The following MECOM variants were observed in gnomAD, a reference collection of about 807,000 sequenced individuals.
The protein encoded by MECOM is MDS1 and EVI1 complex locus.
A neutral mutation model predicts 116.3 loss-of-function variants in MECOM; 13 were observed. The ratio of observed to expected loss-of-function variants is 0.11; its 90% CI spans 0.07 to 0.18. MECOM has a LOEUF of 0.18. Ranked by LOEUF, MECOM falls within the 10% of genes least tolerant of loss-of-function variation. The pLI is 1.00. For synonymous variants in MECOM, 528 were observed against 535.2 expected (o/e 0.99, Z 0.19); for missense variants, 1,299 against 1,509.0 (o/e 0.86, Z 2.31).
intron 2 of MECOM, among the ~76,000 whole-genome samples, chr3:169,266,891 A>G (rs960444411): frequency 2.6e-5 from 4 of 151,986 alleles, no homozygotes; most frequent in Non-Finnish European, 4.4e-5. Flanking sequence ...GAGAGAAGGA[A>G]AAAAGGAAGG....
chr3:169,597,427 T>C (rs1767269993), intron 1 of MECOM, among the ~76,000 whole-genome samples: 2 of 152,220 alleles, frequency 1.3e-5, no homozygotes, highest in South Asian at 2.1e-4. Flanking sequence ...AAAACCAACA[T>C]AGACAGCCCC....
intron 1 of MECOM, among the ~76,000 whole-genome samples, chr3:169,555,351 A>C (rs1278183447): frequency 2.0e-5 from 3 of 152,150 alleles, no homozygotes; most frequent in African/African-American, 7.2e-5. Context: ...CACATAGAAA[A>C]ATGTGATAAT....
intron 2 of MECOM, among the ~76,000 whole-genome samples, chr3:169,317,787 T>C (rs1287495361): frequency 2.0e-5 from 3 of 152,180 alleles, no homozygotes; most frequent in African/African-American, 7.2e-5. Flanking sequence ...AAATGTCATG[T>C]GGAAGCAAAA....
intron 2 of MECOM, among the ~76,000 whole-genome samples, chr3:169,311,584 A>T (rs1718771473): frequency 6.6e-6 from 1 of 152,214 alleles, no homozygotes; most frequent in African/African-American, 2.4e-5. Context: ...TTCTTTAGAC[A>T]CAGTTTACAT....
intron 1 of MECOM, among the ~76,000 whole-genome samples, chr3:169,584,442 G>A (rs891923031): frequency 5.3e-5 from 8 of 151,472 alleles, no homozygotes; most frequent in Admixed American, 4.0e-4. Context: ...GCGAGCGCCT[G>A]TAGTCCCAGC....
At chr3:169,387,410 C>A (rs1733527136) in intron 1 of MECOM, among the ~76,000 whole-genome samples, 1 of 152,146 alleles carries the variant, frequency 6.6e-6, no homozygotes, top group Admixed American at 6.5e-5. Context: ...CCATTTGTTT[C>A]TTTTGGCCTT....
At chr3:169,132,355 A>G (rs779558586) in intron 3 of MECOM, among the ~76,000 whole-genome samples, 2 of 152,216 alleles carry the variant, frequency 1.3e-5, no homozygotes, top group African/African-American at 2.4e-5. Flanking sequence ...CAGCTTGGTG[A>G]CTTAGGCAAG....
Position 169,128,065 on chromosome 3 carries a change from G to C in MECOM, c.614-5C>G, listed in dbSNP as rs114414421. On this transcript the variant is annotated splice_region_variant and splice_polypyrimidine_tract_variant and intron_variant, in intron 4 of 16. Transcript: ENST00000651503. ...CGCAGCGATATTGCCGTTCTTCTGT[G>C]AAAACAATTCAGGTGTTAGGATTGG... The C allele has an allele frequency of 1.1e-3, 1,802 of 1,613,776 alleles. 7 individuals carry two copies. The highest frequency in any genetic ancestry group is 7.6e-3 in the Middle Eastern group (46 of 6,058).
At chr3:169,609,876 T>C (rs1019576711) in intron 1 of MECOM, among the ~76,000 whole-genome samples, 1 of 152,200 alleles carries the variant, frequency 6.6e-6, no homozygotes, top group Admixed American at 6.5e-5. Context: ...TTCTACTTTA[T>C]CTTGATAGCA....
At chr3:169,598,473 G>T (rs1767415906) in intron 1 of MECOM, among the ~76,000 whole-genome samples, 1 of 152,172 alleles carries the variant, frequency 6.6e-6, no homozygotes, top group Non-Finnish European at 1.5e-5. Context: ...GTTTACTGTG[G>T]AATTAAAATG....
At chr3:169,570,408 G>C (rs1035765255) in intron 1 of MECOM, among the ~76,000 whole-genome samples, 1 of 152,096 alleles carries the variant, frequency 6.6e-6, no homozygotes, top group African/African-American at 2.4e-5. Flanking sequence ...TCTACCAGAG[G>C]TACAAAGAGG....
chr3:169,189,676 T>A (rs1377773402), intron 2 of MECOM, among the ~76,000 whole-genome samples: 1 of 152,066 alleles, frequency 6.6e-6, no homozygotes, highest in Non-Finnish European at 1.5e-5. Flanking sequence ...GGAAGTGAAG[T>A]TATTCGTAAT....
chr3:169,550,427 A>G (rs1761231334), intron 1 of MECOM, among the ~76,000 whole-genome samples: 1 of 152,228 alleles, frequency 6.6e-6, no homozygotes, highest in South Asian at 2.1e-4. Flanking sequence ...CACCCATTTC[A>G]GTGAAGAAGT....
At chr3:169,164,143 A>T (rs1211990094) in intron 2 of MECOM, among the ~76,000 whole-genome samples, 2 of 152,156 alleles carry the variant, frequency 1.3e-5, no homozygotes, top group Non-Finnish European at 2.9e-5. Flanking sequence ...CTCATCTTGT[A>T]GTTCCCATAA....
chr3:169,254,313 A>T (rs1756607117), intron 2 of MECOM, among the ~76,000 whole-genome samples: 1 of 152,124 alleles, frequency 6.6e-6, no homozygotes, highest in Non-Finnish European at 1.5e-5. Context: ...GTTGGTCCCT[A>T]AACCTGAGAA....
chr3:169,423,089 G>T (rs760958512), intron 1 of MECOM, among the ~76,000 whole-genome samples: 1 of 152,056 alleles, frequency 6.6e-6, no homozygotes, highest in Non-Finnish European at 1.5e-5. Context: ...CTCTGATTCA[G>T]TAGATCTAGG....
intron 1 of MECOM, among the ~76,000 whole-genome samples, chr3:169,478,569 T>G (rs184117786): frequency 6.6e-6 from 1 of 152,346 alleles, no homozygotes; most frequent in East Asian, 1.9e-4. Context: ...ACAATAAGTA[T>G]CACCAATTAC....
At chr3:169,535,325 C>T (rs1224902192) in intron 1 of MECOM, among the ~76,000 whole-genome samples, 1 of 152,086 alleles carries the variant, frequency 6.6e-6, no homozygotes, top group African/African-American at 2.4e-5. Flanking sequence ...CCTATTCATT[C>T]TAATAGTTGC....
At chr3:169,320,108 G>C (rs751364619) in intron 2 of MECOM, among the ~76,000 whole-genome samples, 1 of 152,162 alleles carries the variant, frequency 6.6e-6, no homozygotes, top group Admixed American at 6.5e-5. Context: ...CTTTTAAGAC[G>C]TGTGACGATG....
Sources: allele counts gnomAD v4.1 joint callset (sites outside exome capture counted in the v4.1 genomes callset), GRCh38; gene constraint gnomAD v4.1.1; transcripts MANE v1.5; gene names NCBI Gene and HGNC (gene_info 2026-07-23, HGNC 2026-07-21).